SLC39A11: variants seen among roughly 807,000 people sequenced by gnomAD.
SLC39A11 encodes solute carrier family 39 member 11.
In SLC39A11, 33 loss-of-function variants were observed where a neutral mutation model predicts 36.1. The observed-to-expected ratio is 0.91, with a 90% confidence interval of 0.69 to 1.22. The LOEUF is 1.22. Among genes scored for constraint, SLC39A11 ranks in the 50% most tolerant of loss-of-function variants. SLC39A11 has a pLI of 0.00. For synonymous variants in SLC39A11, 166 were observed against 170.3 expected (o/e 0.97, Z 0.20); for missense variants, 432 against 430.3 (o/e 1.00, Z -0.03).
At chr17:72,947,659 C>T in intron 5 of SLC39A11, 93 bp downstream of exon 5, 1 of 1,573,098 alleles carries the variant, frequency 6.4e-7, no homozygotes, top group Non-Finnish European at 8.7e-7. Context: ...ATTTCTCTCA[C>T]TATTCATCCT....
intron 6 of SLC39A11, among the ~76,000 whole-genome samples, chr17:72,835,251 A>G (rs2078476346): frequency 6.6e-6 from 1 of 152,248 alleles, no homozygotes; most frequent in Non-Finnish European, 1.5e-5. Flanking sequence ...GCAGTAAATG[A>G]GAAGCATCTT....
intron 3 of SLC39A11, among the ~76,000 whole-genome samples, chr17:73,067,445 G>A (rs1053530434): frequency 3.9e-5 from 6 of 152,226 alleles, no homozygotes; most frequent in African/African-American, 1.4e-4. Context: ...CCAAAAAGGA[G>A]TCTAGATCCC....
intron 6 of SLC39A11, among the ~76,000 whole-genome samples, chr17:72,806,611 C>T (rs550131291): frequency 2.0e-5 from 3 of 152,178 alleles, no homozygotes; most frequent in Admixed American, 2.0e-4. Context: ...GAGACTGAGT[C>T]CCTCTTTGTC....
intron 5 of SLC39A11, among the ~76,000 whole-genome samples, chr17:72,866,353 AC>A (rs1324419653): frequency 3.3e-5 from 5 of 152,226 alleles, no homozygotes; most frequent in African/African-American, 1.2e-4. Context: ...CGGGGCTCCC[AC>A]TGATTCTAGG....
chr17:72,938,058 C>CA (rs1414803680), intron 5 of SLC39A11, among the ~76,000 whole-genome samples: 2 of 152,180 alleles, frequency 1.3e-5, no homozygotes, highest in Non-Finnish European at 2.9e-5. Flanking sequence ...TTACGACCCT[C>CA]AAAATCACGT....
chr17:72,829,456 C>G (rs147283434), intron 6 of SLC39A11, among the ~76,000 whole-genome samples: 14 of 152,066 alleles, frequency 9.2e-5, no homozygotes, highest in Admixed American at 7.2e-4. Flanking sequence ...TGGTGACCAA[C>G]TAGCTATGGA....
At chr17:73,006,391 T>C (rs936302826) in intron 4 of SLC39A11, among the ~76,000 whole-genome samples, 2 of 152,192 alleles carry the variant, frequency 1.3e-5, no homozygotes, top group African/African-American at 4.8e-5. Context: ...ATCCAGCCAG[T>C]TTTGTACAGC....
intron 4 of SLC39A11, among the ~76,000 whole-genome samples, chr17:72,999,970 G>C (rs2089727424): frequency 1.3e-5 from 2 of 151,930 alleles, no homozygotes; most frequent in African/African-American, 2.4e-5. Flanking sequence ...TCGAACTCCT[G>C]AGCTCAGCTC....
chr17:72,833,575 A>T (rs2078379276), intron 6 of SLC39A11, among the ~76,000 whole-genome samples: 1 of 152,226 alleles, frequency 6.6e-6, no homozygotes, highest in African/African-American at 2.4e-5. Context: ...AGTGATTTTC[A>T]TCTGACGGTT....
At chr17:72,648,756 C>T in intron 9 of SLC39A11, 47 bp downstream of exon 9, 1 of 1,609,312 alleles carries the variant, frequency 6.2e-7, no homozygotes, top group Non-Finnish European at 8.5e-7. Context: ...GCTGGGGTCC[C>T]AGCTGGGACT....
intron 3 of SLC39A11, among the ~76,000 whole-genome samples, chr17:73,044,583 C>T (rs1367490928): frequency 7.9e-5 from 12 of 152,112 alleles, no homozygotes. Context: ...TAGAAATGTT[C>T]TCTATCTCAG....
chr17:72,649,120 G>T (rs753649901), intron 8 of SLC39A11, 50 bp downstream of exon 8: 1 of 1,579,214 alleles, frequency 6.3e-7, no homozygotes, highest in Non-Finnish European at 8.7e-7. Flanking sequence ...GTTGAAAGAA[G>T]CCCACATGGA....
At chr17:72,766,073 A>C (rs1433077707) in intron 6 of SLC39A11, among the ~76,000 whole-genome samples, 1 of 152,186 alleles carries the variant, frequency 6.6e-6, no homozygotes, top group East Asian at 1.9e-4. Context: ...AATGATGCCA[A>C]GCATCATTCA....
intron 5 of SLC39A11, among the ~76,000 whole-genome samples, chr17:72,864,965 G>C (rs2146281779): frequency 6.6e-6 from 1 of 152,218 alleles, no homozygotes. Flanking sequence ...TTTAAATTTT[G>C]ACTAGCCATC....
At chr17:72,927,536 C>T (rs9913450) in intron 5 of SLC39A11, among the ~76,000 whole-genome samples, 84,044 of 152,060 alleles carry the variant, frequency 0.55, 25,759 homozygotes, top group African/African-American at 0.83. Context: ...AAAAAACTCC[C>T]GGTGATTATA....
intron 6 of SLC39A11, among the ~76,000 whole-genome samples, chr17:72,784,640 CAG>C (rs541919061): frequency 1.8e-4 from 28 of 152,068 alleles, no homozygotes; most frequent in African/African-American, 6.5e-4. Flanking sequence ...GCTGTGGTGA[CAG>C]TGAGTTCTCA....
At chr17:72,791,095 C>G (rs2076685959) in intron 6 of SLC39A11, among the ~76,000 whole-genome samples, 1 of 152,188 alleles carries the variant, frequency 6.6e-6, no homozygotes, top group East Asian at 1.9e-4. Context: ...CATTTCAGAC[C>G]TACTAAATTA....
chr17:72,768,314 C>T (rs1157263016), intron 6 of SLC39A11, among the ~76,000 whole-genome samples: 4 of 152,186 alleles, frequency 2.6e-5, no homozygotes, highest in African/African-American at 7.2e-5. Flanking sequence ...TAAACTATAA[C>T]CTAAATGTCT....
chr17:72,810,768 C>T (rs2077410408), intron 6 of SLC39A11, among the ~76,000 whole-genome samples: 1 of 152,070 alleles, frequency 6.6e-6, no homozygotes, highest in Non-Finnish European at 1.5e-5. Flanking sequence ...TCACTACAAT[C>T]TCCACCTCCC....
Sources: gnomAD v4.1 joint callset for allele counts (sites outside exome capture counted in the v4.1 genomes callset) on GRCh38, gnomAD v4.1.1 for gene constraint, MANE v1.5 for transcripts, NCBI Gene and HGNC (gene_info 2026-07-23, HGNC 2026-07-21) for gene names.